Variants in ARL8B observed in about 807,000 individuals in gnomAD.
ARL8B encodes the protein ARF like GTPase 8B, also known as ADP-ribosylation factor-like protein 8B.
Under a neutral mutation model 30.6 loss-of-function variants are expected in ARL8B, and 9 were observed. The observed-to-expected ratio is 0.29, with a 90% confidence interval of 0.18 to 0.51. The LOEUF is 0.51. Ranked by LOEUF, ARL8B falls within the 20% of genes least tolerant of loss-of-function variation. The pLI, the probability that ARL8B is intolerant of heterozygous loss-of-function variation, is 0.97. For missense variants in ARL8B, 130 were observed against 227.2 expected, an observed-to-expected ratio of 0.57 and a Z score of 2.75; for synonymous variants, 74 against 76.0, an observed-to-expected ratio of 0.97 and a Z score of 0.14.
chr3:5,160,009 A>G (rs1301289806), intron 1 of ARL8B, among the ~76,000 whole-genome samples: 2 of 152,334 alleles, frequency 1.3e-5, no homozygotes, highest in East Asian at 3.9e-4. Context: ...CTGGTATACT[A>G]ATAACCTCAA....
At chr3:5,149,094 T>C (rs2054455973) in intron 1 of ARL8B, among the ~76,000 whole-genome samples, 1 of 152,226 alleles carries the variant, frequency 6.6e-6, no homozygotes, top group Admixed American at 6.5e-5. Flanking sequence ...CCGCACTTGC[T>C]TCATATCTAA....
chr3:5,165,263 T>C (rs1037386667), intron 1 of ARL8B, among the ~76,000 whole-genome samples: 4 of 152,046 alleles, frequency 2.6e-5, no homozygotes, highest in African/African-American at 7.2e-5. Flanking sequence ...AAAAAAAAAA[T>C]TGTTTGTAAT....
intron 1 of ARL8B, among the ~76,000 whole-genome samples, chr3:5,145,849 C>G (rs1228868563): frequency 6.6e-6 from 1 of 152,130 alleles, no homozygotes; most frequent in Middle Eastern, 3.2e-3. Flanking sequence ...CTGATATTCT[C>G]TCTGGGTTTA....
chr3:5,130,894 A>G (rs1404650127), intron 1 of ARL8B, among the ~76,000 whole-genome samples: 1 of 151,782 alleles, frequency 6.6e-6, no homozygotes, highest in Non-Finnish European at 1.5e-5. Flanking sequence ...TCTAGGCTAC[A>G]CACATAGTTA....
rs185884527 is a variant in ARL8B at position 5,141,652 on chromosome 3, G to C, written c.123+19064G>C. ...ATTTTCTGCCTGTTCGTTGGCTAGA[G>C]TTGTCAGTCCTTGTAAAGCTTTTGT... is the stretch of plus-strand genomic sequence containing the variant. On this transcript the variant is annotated intron_variant, in intron 1 of 6. Transcript: ENST00000256496. 7.9e-4 allele frequency among the ~76,000 whole-genome samples: 120 copies of C among 152,316 alleles called. 1 individual carries two copies. The highest frequency in any genetic ancestry group is 2.8e-3 in the African/African-American group (118 of 41,572).
At chr3:5,150,647 G>T (rs2054474255) in intron 1 of ARL8B, among the ~76,000 whole-genome samples, 1 of 151,916 alleles carries the variant, frequency 6.6e-6, no homozygotes, top group Non-Finnish European at 1.5e-5. Flanking sequence ...GCTGGGCGTG[G>T]TGGCACATGC....
chr3:5,171,487 C>A (rs2054675283), intron 2 of ARL8B, among the ~76,000 whole-genome samples: 1 of 152,010 alleles, frequency 6.6e-6, no homozygotes, highest in Non-Finnish European at 1.5e-5. Context: ...GAGTATATTA[C>A]AGGCACCTGC....
intron 1 of ARL8B, among the ~76,000 whole-genome samples, chr3:5,135,756 CTATTATTATTAT>C (rs111824873): frequency 0.12 from 15,793 of 126,778 alleles, 1,122 homozygotes; most frequent in East Asian, 0.27. Flanking sequence ...CGCACCTGGC[CTATTATTATTAT>C]TATTATTATT....
intron 1 of ARL8B, among the ~76,000 whole-genome samples, chr3:5,132,945 G>T (rs2054295381): frequency 6.6e-6 from 1 of 152,160 alleles, no homozygotes; most frequent in Admixed American, 6.5e-5. Context: ...GTTTTGGTTG[G>T]ACAGTGGCAG....
chr3:5,134,975 A>G (rs766834788), intron 1 of ARL8B, among the ~76,000 whole-genome samples: 46 of 152,138 alleles, frequency 3.0e-4, no homozygotes, highest in Middle Eastern at 3.4e-3. Flanking sequence ...CACCTCCCAG[A>G]GTAGCTGGGA....
rs776709830 is a variant in ARL8B at position 5,178,815 on chromosome 3, A to C, written c.*102A>C. On this transcript the variant is annotated 3_prime_UTR_variant, in exon 7 of 7. Transcript: ENST00000256496. ...GAATACGGTCCTTCCTAAACCCCAG[A>C]AATTGCCTTTTTCAGAGTTTATTTC... 4 of 1,571,392 alleles carry C rather than the reference A, an allele frequency of 2.5e-6. No individual in the cohort carries two copies. The highest frequency in any genetic ancestry group is 3.4e-6 in the Non-Finnish European group (4 of 1,163,688).
intron 1 of ARL8B, among the ~76,000 whole-genome samples, chr3:5,135,756 CTATTATTATTATTATTAT>C (rs111824873): frequency 0.27 from 33,645 of 126,852 alleles, 4,764 homozygotes; most frequent in African/African-American, 0.37. Flanking sequence ...CGCACCTGGC[CTATTATTATTATTATTAT>C]TATTATTATT....
rs373448560 is a variant in ARL8B at position 5,123,776 on chromosome 3, G to C, written c.123+1188G>C. 2.0e-3 allele frequency among the ~76,000 whole-genome samples: 306 copies of C among 152,320 alleles called. 15 individuals are homozygous for C. The South Asian group carries it at 0.06, about 30-fold the overall frequency. Reference sequence around the variant, plus strand: ...GCAACAGGAATGAGTAAGTCTTGGAGAAAAAGAGATTAGCAGAAACCCCAA... The same window carrying C: ...GCAACAGGAATGAGTAAGTCTTGGACAAAAAGAGATTAGCAGAAACCCCAA... On this transcript the variant is annotated intron_variant, in intron 1 of 6. Transcript: ENST00000256496.
intron 1 of ARL8B, among the ~76,000 whole-genome samples, chr3:5,131,394 A>T (rs867465484): frequency 2.5e-4 from 37 of 148,482 alleles, no homozygotes; most frequent in Non-Finnish European, 3.6e-4. Context: ...AAATTAAAAA[A>T]TTTTTTTTTT....
chr3:5,148,006 T>TG (rs377287453), intron 1 of ARL8B, among the ~76,000 whole-genome samples: 176 of 151,824 alleles, frequency 1.2e-3, no homozygotes, highest in Middle Eastern at 0.01. Context: ...TTATCCCATT[T>TG]GGGGTCAACG....
chr3:5,158,952 A>G (rs961201265), intron 1 of ARL8B, among the ~76,000 whole-genome samples: 1 of 152,182 alleles, frequency 6.6e-6, no homozygotes, highest in Non-Finnish European at 1.5e-5. Flanking sequence ...TAAGGGATTT[A>G]TTTGTTTTTC....
At chr3:5,138,338 A>G (rs538376178) in intron 1 of ARL8B, among the ~76,000 whole-genome samples, 1 of 152,284 alleles carries the variant, frequency 6.6e-6, no homozygotes, top group South Asian at 2.1e-4. Flanking sequence ...TCATTTGCCA[A>G]CAAATAACTG....
intron 6 of ARL8B, 113 bp from the exon 7 acceptor site, chr3:5,178,551 C>T (rs1318335452): frequency 1.1e-6 from 1 of 921,254 alleles, no homozygotes; most frequent in Admixed American, 2.6e-5. Context: ...TGCAGAAAAG[C>T]AGCAGAGGTC....
chr3:5,170,403 A>G lies in ARL8B; in HGVS notation c.124-100A>G, dbSNP rs574435619. Reference sequence around the variant, plus strand: ...GTAGATTGTTACCAATGGTAAAAAAATATTTACTAAAATGGTTACAAATGC... The same window carrying G: ...GTAGATTGTTACCAATGGTAAAAAAGTATTTACTAAAATGGTTACAAATGC... On this transcript the variant is annotated intron_variant, in intron 1 of 6. Transcript: ENST00000256496. 1.9e-4 allele frequency: 130 copies of G among 700,928 alleles called. No individual in the cohort carries two copies. In the African/African-American group the frequency reaches 2.3e-3, roughly 12 times the overall value. 43.4% of individuals were successfully genotyped at this position (700,928 alleles called of 1,614,324 possible).
Sources: gnomAD v4.1 joint callset for allele counts (sites outside exome capture counted in the v4.1 genomes callset) on GRCh38, gnomAD v4.1.1 for gene constraint, MANE v1.5 for transcripts, NCBI Gene and HGNC (gene_info 2026-07-23, HGNC 2026-07-21) for gene names.